The following TNK2 variants were observed in gnomAD, a reference collection of about 807,000 sequenced individuals.
The protein encoded by TNK2 is tyrosine kinase non receptor 2, also known as activated CDC42 kinase 1.
A neutral mutation model predicts 101.8 loss-of-function variants in TNK2; 83 were observed. That is an observed-to-expected ratio of 0.82 (90% CI 0.68 to 0.98). The LOEUF (loss-of-function observed/expected upper bound fraction) is 0.98. TNK2 is among the 50% of genes least tolerant of loss of function. TNK2 has a pLI of 0.00. For missense variants in TNK2, 1,665 were observed against 1,483.2 expected (o/e 1.12, Z -2.01); for synonymous variants, 804 against 633.0 (o/e 1.27, Z -4.06).
chr3:195,880,074 G>C (rs896345060), intron 6 of TNK2, among the ~76,000 whole-genome samples: 5 of 152,100 alleles, frequency 3.3e-5, no homozygotes, highest in Admixed American at 6.5e-5. Context: ...CCACCGCTTG[G>C]GAAAGCAGAA....
chr3:195,890,686 G>A (rs903981280), intron 1 of TNK2, among the ~76,000 whole-genome samples: 1 of 152,110 alleles, frequency 6.6e-6, no homozygotes, highest in Non-Finnish European at 1.5e-5. Flanking sequence ...TGATCCACCT[G>A]CCCTGGCCTC....
chr3:195,868,999 C>T (rs1415898903), intron 12 of TNK2: 1 of 499,530 alleles, frequency 2.0e-6, no homozygotes, highest in Non-Finnish European at 3.5e-6. Context: ...ACGCTGCCTC[C>T]ACCAGCACAA....
intron 6 of TNK2, among the ~76,000 whole-genome samples, chr3:195,881,650 A>G (rs1344726716): frequency 3.6e-5 from 2 of 55,872 alleles, no homozygotes; most frequent in South Asian, 1.7e-3. Context: ...CCCCCCAGCA[A>G]CGCCCTTTGG....
At position 195,868,345 on chromosome 3, in the gene TNK2, G is replaced by A. The variant is rs767742514; in HGVS notation, c.1953C>T (p.Asp651=). The change falls in exon 13 of 16, where the codon GAC becomes GAT. Residue 651 remains aspartate, a synonymous_variant. Transcript: ENST00000672887. ...AGTCATCCTCATCCTGGGCCACGTC[G>A]TCATAGGCGGGCGGGGGGGGCAGCG... ...ARPLPPPPAY[D]DVAQDEDDFE... 6.3e-5 allele frequency: 101 copies of A among 1,600,372 alleles called. No individual in the cohort carries two copies. The highest frequency in any genetic ancestry group is 1.2e-4 in the African/African-American group (9 of 74,716).
intron 10 of TNK2, among the ~76,000 whole-genome samples, chr3:195,870,927 G>T (rs901510664): frequency 6.6e-6 from 1 of 151,418 alleles, no homozygotes; most frequent in African/African-American, 2.4e-5. Flanking sequence ...GTTCTGGTGT[G>T]TGGGGGCCCG....
At position 195,885,275 on chromosome 3, in the gene TNK2, A is replaced by G. The variant is rs1755100265; in HGVS notation, c.235-242T>C. ...GGGTGCCAGAAAGAGACCGACAGGC[A>G]TGCAGCCTGTGGCTGAGCGGCCCCA... is the stretch of plus-strand genomic sequence containing the variant. On this transcript the variant is annotated intron_variant, in intron 3 of 15. Transcript: ENST00000672887. The surrounding 1 kb of genome is among the most constrained non-coding windows in gnomAD (Gnocchi z 4.7). 8.3e-7 allele frequency: 1 copy of G among 1,201,610 alleles called. No individual in the cohort carries two copies. The highest frequency in any genetic ancestry group is 1.1e-6 in the Non-Finnish European group (1 of 888,992). The allele number at this position is 1,201,610 out of a possible 1,614,324, so 74.4% of individuals were successfully genotyped here. A position where few individuals can be genotyped will look rare whatever the true frequency, so the allele number is the denominator to read the frequency against.
chr3:195,865,724 G>A (rs941166498), intron 15 of TNK2, among the ~76,000 whole-genome samples: 1 of 151,604 alleles, frequency 6.6e-6, no homozygotes, highest in African/African-American at 2.4e-5. Context: ...GGACAGACAG[G>A]TGACAGGGAG....
Position 195,872,267 on chromosome 3 carries a change from A to G in TNK2, c.1451+9T>C. ...GCCAGGTCAGCATCCATCCCCGCCCAGTACTCACTCGTCAATCCTGTCCGG... is the reference window on the plus strand; with the variant it reads ...GCCAGGTCAGCATCCATCCCCGCCCGGTACTCACTCGTCAATCCTGTCCGG... On this transcript the variant is annotated intron_variant, in intron 10 of 15. Transcript: ENST00000672887. 6.2e-7 allele frequency: 1 copy of G among 1,613,156 alleles called. No homozygotes were observed. Among genetic ancestry groups the G allele is most frequent in the South Asian group, 1.1e-5 (1 of 91,078 alleles).
intron 15 of TNK2, among the ~76,000 whole-genome samples, chr3:195,865,131 G>A (rs1395138207): frequency 1.5e-5 from 2 of 136,866 alleles, no homozygotes; most frequent in African/African-American, 5.6e-5. Context: ...ACAGACAGGT[G>A]ACAGCGAGTG....
At chr3:195,870,399 G>A (rs774479299) in intron 10 of TNK2, 194 bp from the exon 11 acceptor site, 3 of 1,447,052 alleles carry the variant, frequency 2.1e-6, no homozygotes. Context: ...GGCAGAGAAA[G>A]GACACCTGAC....
Position 195,883,216 on chromosome 3 carries a change from G to A in TNK2, c.550C>T (p.Leu184Phe). ...FIREVNAMHS[L>F]DHRNLIRLYG... ...AGGCGGATGAGGTTTCGGTGGTCGAGCGAGTGCATGGCATTGACCTCCCGG... is the reference window on the plus strand; with the variant it reads ...AGGCGGATGAGGTTTCGGTGGTCGAACGAGTGCATGGCATTGACCTCCCGG... Residue 184 changes from leucine (L) to phenylalanine (F), a missense_variant, in exon 5 of 16, where the codon CTC becomes TTC. Leu to Phe is a conservative substitution (Grantham distance 22, BLOSUM62 0). Transcript: ENST00000672887. 1 of 1,611,214 alleles carries A rather than the reference G, an allele frequency of 6.2e-7. No individual in the cohort carries two copies. Among genetic ancestry groups the A allele is most frequent in the Non-Finnish European group, 8.5e-7 (1 of 1,179,866 alleles).
At chr3:195,884,738 GT>G in intron 4 of TNK2, 73 bp downstream of exon 4, 6 of 1,419,822 alleles carry the variant, frequency 4.2e-6, no homozygotes, top group Non-Finnish European at 5.8e-6. Flanking sequence ...CCACACCCTG[GT>G]TGGGGGCAGA....
At position 195,887,043 on chromosome 3, in the gene TNK2, C is replaced by T. The variant is rs1322210431; in HGVS notation, c.168G>A (p.Gln56=). 5 of 1,614,054 alleles carry T rather than the reference C, an allele frequency of 3.1e-6. No individual in the cohort carries two copies. The highest frequency in any genetic ancestry group is 4.2e-6 in the Non-Finnish European group (5 of 1,180,020). ...LEKIGMGRPG[Q]RRLWEAVKRR... Reference sequence around the variant, plus strand: ...TCTTCACAGCCTCCCACAGCCGCCGCTGGCCTGCAGGGAGAGCGGGGAACC... The same window carrying T: ...TCTTCACAGCCTCCCACAGCCGCCGTTGGCCTGCAGGGAGAGCGGGGAACC... Residue 56 remains glutamine, a synonymous_variant, in exon 3 of 16, where the codon CAG becomes CAA. Coordinates refer to ENST00000672887, the MANE Select transcript of TNK2 (RefSeq NM_001382273.1).
In TNK2 at chr3:195,886,692, A is replaced by C. The variant is rs1325773764; in HGVS notation, c.234+285T>G. ...ACACAGCAGGGCTAAGTTAAGGCACACTTGTCAATGAGGTCCTGTTCCAGG... is the reference window on the plus strand; with the variant it reads ...ACACAGCAGGGCTAAGTTAAGGCACCCTTGTCAATGAGGTCCTGTTCCAGG... On this transcript the variant is annotated intron_variant, in intron 3 of 15. Coordinates refer to ENST00000672887, the MANE Select transcript of TNK2 (RefSeq NM_001382273.1). The surrounding 1 kb of genome is among the most constrained non-coding windows in gnomAD (Gnocchi z 4.2). 1.3e-5 allele frequency among the ~76,000 whole-genome samples: 2 copies of C among 152,118 alleles called. No homozygotes were observed. Among genetic ancestry groups the C allele is most frequent in the African/African-American group, 2.4e-5 (1 of 41,418 alleles).
chr3:195,899,883 TC>T (rs1344635547), intron 1 of TNK2, among the ~76,000 whole-genome samples: 1 of 152,014 alleles, frequency 6.6e-6, no homozygotes, highest in Non-Finnish European at 1.5e-5. Context: ...GGCTGCTTCT[TC>T]CCCCGTGAGC....
intron 1 of TNK2, among the ~76,000 whole-genome samples, chr3:195,890,224 G>A (rs1252964278): frequency 6.6e-6 from 1 of 152,196 alleles, no homozygotes; most frequent in Non-Finnish European, 1.5e-5. Context: ...TCATGAGGCT[G>A]CACAGCCCCC....
At chr3:195,903,089 G>A (rs1287452541) in intron 1 of TNK2, among the ~76,000 whole-genome samples, 6 of 138,520 alleles carry the variant, frequency 4.3e-5, no homozygotes, top group Admixed American at 3.8e-4. Context: ...TGACAGAGTC[G>A]GAATGCAGTG....
At chr3:195,869,457 C>T (rs1303579748) in intron 12 of TNK2, 40 bp downstream of exon 12, 33 of 1,474,872 alleles carry the variant, frequency 2.2e-5, no homozygotes, top group Middle Eastern at 1.9e-4. Flanking sequence ...AGAGAGGGGG[C>T]GGGGGCGGGG....
At chr3:195,892,638 C>A in intron 1 of TNK2, 2 of 1,427,626 alleles carry the variant, frequency 1.4e-6, no homozygotes, top group East Asian at 2.6e-5. Flanking sequence ...CTGCTGCAAG[C>A]CCCGCTGGGT....
Sources: allele counts gnomAD v4.1 joint callset (sites outside exome capture counted in the v4.1 genomes callset), GRCh38; gene constraint gnomAD v4.1.1; non-coding constraint Gnocchi (gnomAD v3.1); transcripts MANE v1.5; gene names NCBI Gene and HGNC (gene_info 2026-07-23, HGNC 2026-07-21).